The following CSMD1 variants were observed in gnomAD, a reference collection of about 807,000 sequenced individuals.
The protein encoded by CSMD1 is CUB and Sushi multiple domains 1.
Under a neutral mutation model 417.5 loss-of-function variants are expected in CSMD1, and 213 were observed. That is an observed-to-expected ratio of 0.51 (90% CI 0.46 to 0.57). The LOEUF (loss-of-function observed/expected upper bound fraction) is 0.57. Among genes scored for constraint, CSMD1 ranks in the 20% least tolerant of loss-of-function variants. The pLI, the probability that CSMD1 is intolerant of heterozygous loss-of-function variation, is 0.00. For synonymous variants in CSMD1, 2,862 were observed against 1,736.8 expected (o/e 1.65, Z -16.11); for missense variants, 6,923 against 4,529.7 (o/e 1.53, Z -15.17).
chr8:3,413,550 T>G (rs1441787511), intron 12 of CSMD1, among the ~76,000 whole-genome samples: 1 of 152,216 alleles, frequency 6.6e-6, no homozygotes, highest in Non-Finnish European at 1.5e-5. Flanking sequence ...TTCACCTAGC[T>G]TTTGTCCTTT....
At chr8:4,904,906 C>A (rs1232390247) in intron 1 of CSMD1, among the ~76,000 whole-genome samples, 1 of 152,156 alleles carries the variant, frequency 6.6e-6, no homozygotes, top group Non-Finnish European at 1.5e-5. Flanking sequence ...AAAGAGCCTG[C>A]AAGCACTTCT....
intron 2 of CSMD1, among the ~76,000 whole-genome samples, chr8:4,434,715 T>G (rs1798055136): frequency 6.6e-6 from 1 of 152,180 alleles, no homozygotes; most frequent in African/African-American, 2.4e-5. Context: ...TTCATGCCCC[T>G]GACAGTGCTC....
intron 30 of CSMD1, among the ~76,000 whole-genome samples, chr8:3,206,547 G>T (rs897347358): frequency 3.2e-5 from 4 of 126,074 alleles, no homozygotes; most frequent in Non-Finnish European, 6.6e-5. Flanking sequence ...GTGTGTGGGA[G>T]GTTATGTCTG....
chr8:4,228,477 CTG>C, intron 3 of CSMD1, among the ~76,000 whole-genome samples: 1 of 152,200 alleles, frequency 6.6e-6, no homozygotes, highest in Non-Finnish European at 1.5e-5. Flanking sequence ...ACAGCTTCCA[CTG>C]TATCCTCCCC....
At chr8:4,491,032 A>G (rs1403211903) in intron 2 of CSMD1, among the ~76,000 whole-genome samples, 1 of 152,166 alleles carries the variant, frequency 6.6e-6, no homozygotes, top group Non-Finnish European at 1.5e-5. Context: ...GGCAGCTCCT[A>G]TGGTACCTGG....
At chr8:3,900,204 G>GACAGTGTTA (rs1807640176) in intron 5 of CSMD1, among the ~76,000 whole-genome samples, 2 of 152,026 alleles carry the variant, frequency 1.3e-5, no homozygotes, top group African/African-American at 2.4e-5. Flanking sequence ...GCAGCTGGGT[G>GACAGTGTTA]ACAGTGGAGC....
intron 3 of CSMD1, among the ~76,000 whole-genome samples, chr8:4,034,037 C>G (rs768599775): frequency 2.0e-5 from 3 of 152,102 alleles, no homozygotes; most frequent in Non-Finnish European, 4.4e-5. Flanking sequence ...TCCAATTGAA[C>G]AGAAACTATT....
intron 3 of CSMD1, among the ~76,000 whole-genome samples, chr8:4,138,587 A>G (rs540819020): frequency 6.6e-6 from 1 of 151,754 alleles, no homozygotes; most frequent in African/African-American, 2.4e-5. Flanking sequence ...CTAGATTCTT[A>G]GAAATTCAAG....
At chr8:3,283,411 T>C (rs1193967986) in intron 26 of CSMD1, among the ~76,000 whole-genome samples, 3 of 152,116 alleles carry the variant, frequency 2.0e-5, no homozygotes, top group African/African-American at 7.2e-5. Context: ...AGAAATTTAC[T>C]GACTAATTGA....
chr8:3,425,643 C>A (rs1478851745), intron 12 of CSMD1, among the ~76,000 whole-genome samples: 1 of 151,600 alleles, frequency 6.6e-6, no homozygotes, highest in African/African-American at 2.4e-5. Flanking sequence ...ATGCCCTGTC[C>A]CAGCAGCAGG....
intron 1 of CSMD1, among the ~76,000 whole-genome samples, chr8:4,782,259 T>A (rs1487442913): frequency 6.6e-6 from 1 of 152,158 alleles, no homozygotes; most frequent in Admixed American, 6.5e-5. Flanking sequence ...GTTTTCAATA[T>A]CCTTACCAAA....
chr8:3,267,462 C>T (rs1285187287), intron 26 of CSMD1, among the ~76,000 whole-genome samples: 1 of 152,196 alleles, frequency 6.6e-6, no homozygotes, highest in Non-Finnish European at 1.5e-5. Context: ...CGTGCATGTA[C>T]ACTGGTAAAC....
At chr8:3,837,056 G>A (rs576457937) in intron 5 of CSMD1, among the ~76,000 whole-genome samples, 2 of 150,958 alleles carry the variant, frequency 1.3e-5, no homozygotes, top group African/African-American at 2.4e-5. Context: ...GATGCCCATG[G>A]GTGATTTTCA....
chr8:4,836,097 A>G (rs918419996), intron 1 of CSMD1, among the ~76,000 whole-genome samples: 1 of 152,178 alleles, frequency 6.6e-6, no homozygotes, highest in African/African-American at 2.4e-5. Context: ...GCAAGAAAAG[A>G]TCAACTGTCA....
At chr8:4,109,295 C>T (rs1354126119) in intron 3 of CSMD1, among the ~76,000 whole-genome samples, 3 of 152,026 alleles carry the variant, frequency 2.0e-5, no homozygotes, top group Non-Finnish European at 4.4e-5. Context: ...TATGAAGGAG[C>T]AGCTGTATTT....
chr8:3,276,388 G>A (rs1446249951), intron 26 of CSMD1, among the ~76,000 whole-genome samples: 8 of 152,172 alleles, frequency 5.3e-5, no homozygotes, highest in East Asian at 1.9e-4. Context: ...GCTGTAGACC[G>A]GAGCTGTTCC....
At chr8:3,061,239 G>C (rs1408564205) in intron 49 of CSMD1, among the ~76,000 whole-genome samples, 1 of 152,084 alleles carries the variant, frequency 6.6e-6, no homozygotes, top group Non-Finnish European at 1.5e-5. Flanking sequence ...TTCTTTGACA[G>C]ATGTACAGTT....
chr8:3,849,968 A>T (rs2129099322), intron 5 of CSMD1, among the ~76,000 whole-genome samples: 1 of 151,062 alleles, frequency 6.6e-6, no homozygotes, highest in South Asian at 2.1e-4. Context: ...GGCACCCACT[A>T]CCATGCTCGG....
chr8:4,378,667 C>T (rs556948495), intron 3 of CSMD1, among the ~76,000 whole-genome samples: 1 of 152,294 alleles, frequency 6.6e-6, no homozygotes, highest in East Asian at 1.9e-4. Context: ...GTTTAATCAT[C>T]CCCTTCCTGT....
Sources: allele counts gnomAD v4.1 joint callset (sites outside exome capture counted in the v4.1 genomes callset), GRCh38; gene constraint gnomAD v4.1.1; transcripts MANE v1.5; gene names NCBI Gene and HGNC (gene_info 2026-07-23, HGNC 2026-07-21).